Variants in CDH13 observed in about 807,000 individuals in gnomAD.
CDH13 encodes the protein cadherin 13, also known as cadherin-13.
A neutral mutation model predicts 63.8 loss-of-function variants in CDH13; 24 were observed. That is an observed-to-expected ratio of 0.38 (90% CI 0.27 to 0.53). CDH13 has a LOEUF of 0.53. Ranked by LOEUF, CDH13 falls within the 20% of genes least tolerant of loss-of-function variation. The pLI is 0.85. For missense variants in CDH13, 1,049 were observed against 903.1 expected, an observed-to-expected ratio of 1.16 and a Z score of -2.07; for synonymous variants, 503 against 355.3, an observed-to-expected ratio of 1.42 and a Z score of -4.67.
At chr16:83,272,708 C>G (rs900626706) in intron 5 of CDH13, among the ~76,000 whole-genome samples, 1 of 152,092 alleles carries the variant, frequency 6.6e-6, no homozygotes, top group African/African-American at 2.4e-5. Flanking sequence ...AAACTACTCC[C>G]AATTCATGGG....
intron 6 of CDH13, among the ~76,000 whole-genome samples, chr16:83,394,829 G>A (rs2091854817): frequency 1.3e-5 from 2 of 152,034 alleles, no homozygotes; most frequent in African/African-American, 4.8e-5. Context: ...GCTGATGGAT[G>A]GTGTGTGTGG....
At chr16:83,028,225 A>G (rs1266972260) in intron 2 of CDH13, among the ~76,000 whole-genome samples, 1 of 152,226 alleles carries the variant, frequency 6.6e-6, no homozygotes, top group Non-Finnish European at 1.5e-5. Flanking sequence ...ATTGATGATA[A>G]CAGTGAAAGC....
At chr16:83,725,664 G>A (rs897512470) in intron 10 of CDH13, 2 of 152,214 alleles carry the variant, frequency 1.3e-5, no homozygotes, top group South Asian at 2.1e-4. Context: ...CAAAGTGATG[G>A]GCCAAGCAGG....
intron 7 of CDH13, among the ~76,000 whole-genome samples, chr16:83,570,546 C>A (rs1904481251): frequency 6.6e-6 from 1 of 151,914 alleles, no homozygotes; most frequent in South Asian, 2.1e-4. Flanking sequence ...AGCCTCGCTG[C>A]TTTACTGGGC....
At position 82,858,486 on chromosome 16, in the gene CDH13, A is replaced by G. The variant is rs773398965; in HGVS notation, c.157+13A>G. 2.1e-5 allele frequency: 30 copies of G among 1,463,308 alleles called. No homozygotes were observed. Among genetic ancestry groups the G allele is most frequent in the Admixed American group, 1.3e-4 (8 of 59,694 alleles). 90.6% of individuals were successfully genotyped at this position (1,463,308 alleles called of 1,614,324 possible). A position where few individuals can be genotyped will look rare whatever the true frequency, so the allele number is the denominator to read the frequency against. ...TCAATTCTAAACTGTAAGCAATGTCACTCAAAGATGCTTTTAGACTCTTCT... is the reference window on the plus strand; with the variant it reads ...TCAATTCTAAACTGTAAGCAATGTCGCTCAAAGATGCTTTTAGACTCTTCT... On this transcript the variant is annotated intron_variant, in intron 2 of 13. Transcript: ENST00000567109.
At position 83,602,604 on chromosome 16, in the gene CDH13, T is replaced by C. The variant is rs1457626132; in HGVS notation, c.1101+10T>C. ...ATTCACCAAGAAAGAGGTAAACCCCTGTGCCAAACACCAACCACCACTGTG... is the reference window on the plus strand; with the variant it reads ...ATTCACCAAGAAAGAGGTAAACCCCCGTGCCAAACACCAACCACCACTGTG... On this transcript the variant is annotated intron_variant, in intron 8 of 13. Transcript: ENST00000567109. The C allele has an allele frequency of 1.9e-6, 3 of 1,613,804 alleles. No homozygotes were observed. The highest frequency in any genetic ancestry group is 2.5e-6 in the Non-Finnish European group (3 of 1,179,730).
At chr16:82,822,787 G>A (rs896206471) in intron 1 of CDH13, among the ~76,000 whole-genome samples, 2 of 152,202 alleles carry the variant, frequency 1.3e-5, no homozygotes, top group Non-Finnish European at 2.9e-5. Context: ...AAGCCACCAT[G>A]CCCAGTCTAT....
At chr16:82,797,858 G>C (rs1397871021) in intron 1 of CDH13, among the ~76,000 whole-genome samples, 2 of 150,134 alleles carry the variant, frequency 1.3e-5, no homozygotes, top group Non-Finnish European at 1.5e-5. Flanking sequence ...GATTTCTTTA[G>C]ATCTGATGCT....
chr16:82,708,042 C>G (rs2031630392), intron 1 of CDH13, among the ~76,000 whole-genome samples: 1 of 152,166 alleles, frequency 6.6e-6, no homozygotes, highest in African/African-American at 2.4e-5. Context: ...AGCTGTTGCT[C>G]AGACGTCACC....
intron 2 of CDH13, among the ~76,000 whole-genome samples, chr16:83,021,418 C>T (rs534428149): frequency 1.3e-5 from 2 of 152,302 alleles, no homozygotes; most frequent in South Asian, 4.1e-4. Context: ...TTTAAGGAAT[C>T]CACGGCAAGA....
At chr16:83,410,030 C>G (rs1259678210) in intron 6 of CDH13, among the ~76,000 whole-genome samples, 1 of 152,174 alleles carries the variant, frequency 6.6e-6, no homozygotes, top group Non-Finnish European at 1.5e-5. Flanking sequence ...GTATTTGACA[C>G]TGGGAGTGTG....
chr16:83,198,139 G>A (rs1271167848), intron 4 of CDH13, among the ~76,000 whole-genome samples: 1 of 151,886 alleles, frequency 6.6e-6, no homozygotes, highest in African/African-American at 2.4e-5. Flanking sequence ...TTCTCTGCCA[G>A]GATTTTCCTA....
intron 7 of CDH13, among the ~76,000 whole-genome samples, chr16:83,529,838 A>G (rs1229740517): frequency 6.6e-6 from 1 of 152,232 alleles, no homozygotes; most frequent in Admixed American, 6.5e-5. Flanking sequence ...GTGATTATGG[A>G]GCGCTAATGT....
At chr16:83,695,300 G>A (rs192283280) in intron 10 of CDH13, among the ~76,000 whole-genome samples, 44 of 152,348 alleles carry the variant, frequency 2.9e-4, no homozygotes, top group African/African-American at 1.0e-3. Flanking sequence ...TTTGTGTCCA[G>A]CTCACATATG....
At chr16:83,427,446 G>A (rs79882103) in intron 6 of CDH13, among the ~76,000 whole-genome samples, 1 of 152,088 alleles carries the variant, frequency 6.6e-6, no homozygotes, top group Non-Finnish European at 1.5e-5. Flanking sequence ...GAAAAGGCAA[G>A]AAACGAATTC....
At chr16:82,657,575 G>C (rs1210813493) in intron 1 of CDH13, among the ~76,000 whole-genome samples, 1 of 152,200 alleles carries the variant, frequency 6.6e-6, no homozygotes, top group African/African-American at 2.4e-5. Flanking sequence ...ATTGACCACA[G>C]TTGAGTAAAA....
At chr16:82,974,587 T>C (rs3859086) in intron 2 of CDH13, among the ~76,000 whole-genome samples, 8,840 of 152,090 alleles carry the variant, frequency 0.058, 357 homozygotes, top group Non-Finnish European at 0.087. Context: ...GCAGATGTAA[T>C]TAGATTAAAA....
chr16:83,073,736 A>G (rs1399082011), intron 3 of CDH13, among the ~76,000 whole-genome samples: 1 of 152,080 alleles, frequency 6.6e-6, no homozygotes, highest in East Asian at 1.9e-4. Flanking sequence ...TATTTAATAT[A>G]ATATACTTAG....
chr16:83,726,598 G>T (rs546805047), intron 10 of CDH13, among the ~76,000 whole-genome samples: 54 of 152,274 alleles, frequency 3.5e-4, no homozygotes, highest in African/African-American at 1.2e-3. Context: ...CCCTTTGGGA[G>T]GCCGAGGCGG....
Sources: allele counts gnomAD v4.1 joint callset (sites outside exome capture counted in the v4.1 genomes callset), GRCh38; gene constraint gnomAD v4.1.1; transcripts MANE v1.5; gene names NCBI Gene and HGNC (gene_info 2026-07-23, HGNC 2026-07-21).